PCDH15: variants seen among roughly 807,000 people sequenced by gnomAD.
The protein encoded by PCDH15 is protocadherin-15.
Under a neutral mutation model 178.5 loss-of-function variants are expected in PCDH15, and 129 were observed. That is an observed-to-expected ratio of 0.72 (90% CI 0.63 to 0.84). The LOEUF (loss-of-function observed/expected upper bound fraction) is 0.84, where lower values mean the gene tolerates loss of function less well. PCDH15 is among the 40% of genes least tolerant of loss of function. The pLI is 0.00. For synonymous variants in PCDH15, 800 were observed against 732.0 expected (o/e 1.09, Z -1.50); for missense variants, 2,230 against 2,099.9 (o/e 1.06, Z -1.21).
chr10:54,126,698 T>C (rs77593490), intron 15 of PCDH15, among the ~76,000 whole-genome samples: 2,967 of 151,524 alleles, frequency 0.02, 40 homozygotes, highest in Non-Finnish European at 0.03. Context: ...AACATAAATA[T>C]AATGGACACT....
intron 5 of PCDH15, among the ~76,000 whole-genome samples, chr10:54,364,474 C>G (rs986817130): frequency 6.6e-6 from 1 of 152,018 alleles, no homozygotes; most frequent in Admixed American, 6.6e-5. Flanking sequence ...TCCGTGAAAA[C>G]CCAGCATTTG....
intron 2 of PCDH15, among the ~76,000 whole-genome samples, chr10:55,129,992 T>C (rs117630746): frequency 1.1e-4 from 16 of 152,266 alleles, no homozygotes; most frequent in Non-Finnish European, 2.4e-4. Context: ...TTGGTAAATA[T>C]ATTGATTCAG....
chr10:55,312,474 C>T (rs1467909788), intron 1 of PCDH15, among the ~76,000 whole-genome samples: 1 of 151,974 alleles, frequency 6.6e-6, no homozygotes, highest in Non-Finnish European at 1.5e-5. Flanking sequence ...CACATTATGC[C>T]ATGCACTGTA....
In PCDH15 at chr10:54,021,188, A is replaced by G. The variant is rs544744022; in HGVS notation, c.2527-772T>C. Among the ~76,000 whole-genome samples the G allele has an allele frequency of 3.9e-5, 6 of 152,178 alleles. No individual in the cohort carries two copies. In the South Asian group the frequency reaches 1.2e-3, roughly 32 times the overall value. ...CCTTTAGCTGAAAGGATGGGTTTTCATGGGAGTCTTGTAGAATGGCTATTT... is the reference window on the plus strand; with the variant it reads ...CCTTTAGCTGAAAGGATGGGTTTTCGTGGGAGTCTTGTAGAATGGCTATTT... On this transcript the variant is annotated intron_variant, in intron 19 of 37. Transcript: ENST00000644397.
chr10:54,187,919 G>A (rs1451442082), intron 11 of PCDH15, among the ~76,000 whole-genome samples: 1 of 151,780 alleles, frequency 6.6e-6, no homozygotes, highest in Non-Finnish European at 1.5e-5. Flanking sequence ...CATTTTTAAA[G>A]ATAGTGCAAG....
At chr10:55,035,041 G>T (rs1840699974) in intron 2 of PCDH15, among the ~76,000 whole-genome samples, 2 of 152,000 alleles carry the variant, frequency 1.3e-5, no homozygotes, top group South Asian at 2.1e-4. Flanking sequence ...CTTCAGAAAA[G>T]AAATGTTTTT....
At chr10:54,813,151 G>A (rs1391600069) in intron 3 of PCDH15, among the ~76,000 whole-genome samples, 1 of 151,938 alleles carries the variant, frequency 6.6e-6, no homozygotes. Flanking sequence ...TAGTCTTTTG[G>A]TGGTTCCCCT....
At chr10:54,517,105 C>G (rs549690689) in intron 3 of PCDH15, among the ~76,000 whole-genome samples, 12 of 152,294 alleles carry the variant, frequency 7.9e-5, no homozygotes, top group African/African-American at 2.2e-4. Context: ...ACTGCAAAAA[C>G]AGGCCAAATT....
chr10:55,350,446 A>G (rs1844895584), intron 2 of PCDH15, among the ~76,000 whole-genome samples: 2 of 151,654 alleles, frequency 1.3e-5, no homozygotes, highest in South Asian at 4.2e-4. Flanking sequence ...CTTCTAAAAG[A>G]GAGGAAAGAT....
At chr10:55,013,851 T>C (rs1174452119) in intron 2 of PCDH15, among the ~76,000 whole-genome samples, 3 of 152,094 alleles carry the variant, frequency 2.0e-5, no homozygotes, top group East Asian at 3.9e-4. Flanking sequence ...AATAAGAAAC[T>C]GAATGAATAA....
chr10:55,291,495 A>T (rs1422516647), intron 1 of PCDH15, among the ~76,000 whole-genome samples: 1 of 152,222 alleles, frequency 6.6e-6, no homozygotes, highest in Non-Finnish European at 1.5e-5. Flanking sequence ...AATTTAAAAG[A>T]TCAACTGAAA....
chr10:54,918,839 A>C (rs1837411474), intron 2 of PCDH15, among the ~76,000 whole-genome samples: 1 of 152,194 alleles, frequency 6.6e-6, no homozygotes, highest in African/African-American at 2.4e-5. Flanking sequence ...AACCTAATTT[A>C]AGTTAAAAAT....
intron 2 of PCDH15, among the ~76,000 whole-genome samples, chr10:55,519,616 C>A (rs755419800): frequency 1.1e-4 from 16 of 151,888 alleles, no homozygotes; most frequent in Admixed American, 2.0e-4. Context: ...TAACTTTTTA[C>A]AAACATATAA....
intron 21 of PCDH15, among the ~76,000 whole-genome samples, chr10:53,972,428 AT>A (rs1309352906): frequency 2.6e-5 from 4 of 152,226 alleles, no homozygotes; most frequent in African/African-American, 9.6e-5. Context: ...AAAAGCCAAA[AT>A]TGACAAATTG....
At chr10:55,470,120 G>T (rs1354481486) in intron 2 of PCDH15, among the ~76,000 whole-genome samples, 1 of 152,092 alleles carries the variant, frequency 6.6e-6, no homozygotes, top group Non-Finnish European at 1.5e-5. Context: ...GGAGGCTGAG[G>T]CAAGCAGATC....
At chr10:54,224,991 T>G (rs1467204124) in intron 9 of PCDH15, among the ~76,000 whole-genome samples, 2 of 152,122 alleles carry the variant, frequency 1.3e-5, no homozygotes, top group Admixed American at 1.3e-4. Flanking sequence ...ACCAAAATAA[T>G]TTAAATCCAT....
intron 8 of PCDH15, among the ~76,000 whole-genome samples, chr10:54,290,712 A>C (rs1156320842): frequency 6.6e-6 from 1 of 152,198 alleles, no homozygotes; most frequent in African/African-American, 2.4e-5. Flanking sequence ...TCTACCAAAC[A>C]AATGGAAAGC....
intron 8 of PCDH15, among the ~76,000 whole-genome samples, chr10:54,302,949 T>A (rs2060232384): frequency 2.6e-5 from 4 of 152,164 alleles, no homozygotes. Flanking sequence ...CACCCACACA[T>A]ATTAAAAATT....
At chr10:55,399,511 G>A (rs1838013072) in intron 2 of PCDH15, among the ~76,000 whole-genome samples, 1 of 152,016 alleles carries the variant, frequency 6.6e-6, no homozygotes, top group African/African-American at 2.4e-5. Context: ...TGACGACTAG[G>A]CACTAAGCAC....
Sources: allele counts gnomAD v4.1 joint callset (sites outside exome capture counted in the v4.1 genomes callset), GRCh38; gene constraint gnomAD v4.1.1; transcripts MANE v1.5; gene names NCBI Gene and HGNC (gene_info 2026-07-23, HGNC 2026-07-21).